The following BORA variants were observed in gnomAD, a reference collection of about 807,000 sequenced individuals.
BORA encodes protein aurora borealis.
BORA carries 26 observed loss-of-function variants against 55.8 expected under a neutral mutation model. That is an observed-to-expected ratio of 0.47 (90% CI 0.34 to 0.65). The LOEUF is 0.65. Ranked by LOEUF, BORA falls within the 30% of genes least tolerant of loss-of-function variation. The pLI is 0.01. For synonymous variants in BORA, 201 were observed against 216.9 expected, an observed-to-expected ratio of 0.93 and a Z score of 0.64; for missense variants, 568 against 671.5, an observed-to-expected ratio of 0.85 and a Z score of 1.70.
At chr13:72,743,737 T>G (rs924181178) in intron 6 of BORA, 135 bp downstream of exon 6, 18 of 687,374 alleles carry the variant, frequency 2.6e-5, no homozygotes, top group Admixed American at 3.7e-5. Flanking sequence ...TATTTTTGTT[T>G]TTTTGAGACA....
intron 4 of BORA, among the ~76,000 whole-genome samples, chr13:72,737,353 T>C (rs2032950507): frequency 1.3e-5 from 2 of 152,196 alleles, no homozygotes; most frequent in South Asian, 4.1e-4. Context: ...CACACCATTA[T>C]ATGTAGGAAT....
In BORA at chr13:72,755,513, A is replaced by G. The variant is rs1354893115; in HGVS notation, c.*297A>G. ...TGAGTGCTCCTATCTTACAGGGTCA[A>G]TGAACTACTTATTAAGCCTTACTGG... On this transcript the variant is annotated 3_prime_UTR_variant, in exon 12 of 12. Transcript: ENST00000390667. 2 of 395,560 alleles carry G rather than the reference A, an allele frequency of 5.1e-6. No homozygotes were observed. The allele number at this position is 395,560 out of a possible 1,614,324, so 24.5% of individuals were successfully genotyped here.
intron 4 of BORA, among the ~76,000 whole-genome samples, chr13:72,736,198 ACTTT>A (rs1450002566): frequency 2.0e-5 from 3 of 152,084 alleles, no homozygotes; most frequent in Admixed American, 6.6e-5. Flanking sequence ...TTGAAAAAAT[ACTTT>A]CTTTAAGAAT....
rs577816086 is a variant in BORA at position 72,729,908 on chromosome 13, A to T, written c.153+815A>T. Among the ~76,000 whole-genome samples the T allele has an allele frequency of 2.6e-5, 4 of 152,284 alleles. No homozygotes were observed. In the East Asian group the frequency reaches 7.7e-4, roughly 29 times the overall value. On this transcript the variant is annotated intron_variant, in intron 2 of 11. Transcript: ENST00000390667. Reference sequence around the variant, plus strand: ...ATGATTAGTACTTAGGACAATAGTAATATGAAGGAAAAGTGTTCTTCAGGA... The same window carrying T: ...ATGATTAGTACTTAGGACAATAGTATTATGAAGGAAAAGTGTTCTTCAGGA...
chr13:72,746,704 G>GA lies in BORA; in HGVS notation c.1075_1076insA (p.Gly359GlufsTer2). The stretch of plus-strand genomic sequence containing the variant: ...GATACCTTTTACTCTTGAGACTCAA[G>GA]GTGAAGATGAGGAAGATAAAGAGAA... On this transcript the variant is annotated frameshift_variant, in exon 10 of 12. Transcript: ENST00000390667. LOFTEE classifies it high-confidence loss of function. The GA allele has an allele frequency of 6.2e-7, 1 of 1,614,120 alleles. No individual in the cohort carries two copies. The highest frequency in any genetic ancestry group is 1.1e-5 in the South Asian group (1 of 91,084).
intron 2 of BORA, among the ~76,000 whole-genome samples, chr13:72,731,055 G>A (rs1307579040): frequency 6.6e-6 from 1 of 152,080 alleles, no homozygotes; most frequent in Non-Finnish European, 1.5e-5. Context: ...GTGACAGAAC[G>A]AGACTCTGTC....
intron 5 of BORA, among the ~76,000 whole-genome samples, chr13:72,740,090 G>A (rs1172348849): frequency 6.6e-6 from 1 of 152,092 alleles, no homozygotes; most frequent in Non-Finnish European, 1.5e-5. Flanking sequence ...TTTATATAAG[G>A]CAGATATCTG....
rs2033160322 is a variant in BORA at position 72,746,849 on chromosome 13, CACAAA to C, written c.1222_1226del (p.Gln408SerfsTer6). ...TTGGTTGTGACTGCCATGTCTGTTA[CACAAA>C]ATCAGTCCAGTGCTTCTGAGAAAGA... On this transcript the variant is annotated frameshift_variant, in exon 10 of 12. Coordinates refer to ENST00000390667, the MANE Select transcript of BORA (RefSeq NM_024808.5). LOFTEE classifies it high-confidence loss of function. 1.9e-6 allele frequency: 3 copies of C among 1,614,040 alleles called. No homozygotes were observed. In the South Asian group the frequency reaches 3.3e-5, roughly 18 times the overall value.
At position 72,730,035 on chromosome 13, in the gene BORA, T is replaced by C. The variant is rs1278292574; in HGVS notation, c.153+942T>C. ...ATCTCGAACTCCTGACCTCATGTGA[T>C]GCACCCACTTCAGCCTCCCAAAGTG... is the stretch of plus-strand genomic sequence containing the variant. On this transcript the variant is annotated intron_variant, in intron 2 of 11. Coordinates refer to ENST00000390667, the MANE Select transcript of BORA (RefSeq NM_024808.5). Among the ~76,000 whole-genome samples the C allele has an allele frequency of 5.3e-5, 8 of 152,192 alleles. No individual in the cohort carries two copies. The South Asian group carries it at 1.7e-3, about 32-fold the overall frequency.
rs139199739 is a variant in BORA at position 72,742,520 on chromosome 13, C to A, written c.389-1017C>A. On this transcript the variant is annotated intron_variant, in intron 5 of 11. Transcript: ENST00000390667. Reference sequence around the variant, plus strand: ...GACATTGAGGGTAGCTAAAAGGTATCCCTAACCTTTTAAGGTTGACGTCAT... The same window carrying A: ...GACATTGAGGGTAGCTAAAAGGTATACCTAACCTTTTAAGGTTGACGTCAT... 7.7e-3 allele frequency among the ~76,000 whole-genome samples: 1,169 copies of A among 151,832 alleles called. 14 individuals are homozygous for A. Among genetic ancestry groups the A allele is most frequent in the Middle Eastern group, 0.014 (4 of 294 alleles).
chr13:72,755,005 T>C (rs2033409753), intron 11 of BORA, 146 bp from the exon 12 acceptor site: 4 of 616,944 alleles, frequency 6.5e-6, no homozygotes, highest in Non-Finnish European at 1.1e-5. Flanking sequence ...ATGCAGAATA[T>C]TGATTTATAA....
At chr13:72,747,753 G>A (rs1418340237) in intron 10 of BORA, among the ~76,000 whole-genome samples, 1 of 152,004 alleles carries the variant, frequency 6.6e-6, no homozygotes, top group Non-Finnish European at 1.5e-5. Context: ...GGCTGGTCTC[G>A]AACTCATGAC....
In BORA at chr13:72,728,105, A is replaced by G. The variant is rs1332178606; in HGVS notation, c.-16+98A>G. On this transcript the variant is annotated intron_variant, in intron 1 of 11. Coordinates refer to ENST00000390667, the MANE Select transcript of BORA (RefSeq NM_024808.5). ...CTTGCCTGCCCGCTCGCCCCTGGTG[A>G]ATGGGAGCAGTCAGGGAGTAGGTGT... The G allele has an allele frequency of 8.1e-6, 12 of 1,489,684 alleles. No homozygotes were observed. In the East Asian group the frequency reaches 2.5e-4, roughly 31 times the overall value. 92.3% of individuals were successfully genotyped at this position (1,489,684 alleles called of 1,614,324 possible). A position where few individuals can be genotyped will look rare whatever the true frequency, so the allele number is the denominator to read the frequency against.
At position 72,755,507 on chromosome 13, in the gene BORA, G is replaced by T; in HGVS notation, c.*291G>T. ...CAGAGCTGAGTGCTCCTATCTTACAGGGTCAATGAACTACTTATTAAGCCT... is the reference window on the plus strand; with the variant it reads ...CAGAGCTGAGTGCTCCTATCTTACATGGTCAATGAACTACTTATTAAGCCT... On this transcript the variant is annotated 3_prime_UTR_variant, in exon 12 of 12. Coordinates refer to ENST00000390667, the MANE Select transcript of BORA (RefSeq NM_024808.5). 2.4e-6 allele frequency: 1 copy of T among 409,902 alleles called. No individual in the cohort carries two copies. The highest frequency in any genetic ancestry group is 4.2e-5 in the East Asian group (1 of 23,804). 25.4% of individuals were successfully genotyped at this position (409,902 alleles called of 1,614,324 possible).
In BORA at chr13:72,743,526, A is replaced by G; in HGVS notation, c.389-11A>G. Reference sequence around the variant, plus strand: ...TAAAACATAGGATTTTTCACTTAAAATGTCTTACAGGCACTAACATAAATA... The same window carrying G: ...TAAAACATAGGATTTTTCACTTAAAGTGTCTTACAGGCACTAACATAAATA... On this transcript the variant is annotated splice_polypyrimidine_tract_variant and intron_variant, in intron 5 of 11. Transcript: ENST00000390667. 6.3e-7 allele frequency: 1 copy of G among 1,591,684 alleles called. No individual in the cohort carries two copies. The highest frequency in any genetic ancestry group is 1.1e-5 in the South Asian group (1 of 87,774).
In BORA at chr13:72,746,987, A is replaced by ACAAC. The variant is rs778467601; in HGVS notation, c.1358_1359insCAAC (p.Gly455Ter). ...ACCACTTGGATTAAGGAGCCGGTTG[A>ACAAC]TAATGGCAGTTTACCCATGACTGAT... is the stretch of plus-strand genomic sequence containing the variant. On this transcript the variant is annotated frameshift_variant, in exon 10 of 12. Coordinates refer to ENST00000390667, the MANE Select transcript of BORA (RefSeq NM_024808.5). LOFTEE classifies it high-confidence loss of function. The ACAAC allele has an allele frequency of 1.2e-5, 19 of 1,614,044 alleles. No individual in the cohort carries two copies. The highest frequency in any genetic ancestry group is 1.6e-5 in the Non-Finnish European group (19 of 1,180,010).
chr13:72,728,036 T>C (rs1325518993), intron 1 of BORA, 29 bp downstream of exon 1: 2 of 1,550,520 alleles, frequency 1.3e-6, no homozygotes, highest in South Asian at 1.2e-5. Flanking sequence ...GTCCCTGGCC[T>C]TTCCTCCTGT....
At chr13:72,754,935 A>G (rs2033406598) in intron 11 of BORA, 3 of 462,478 alleles carry the variant, frequency 6.5e-6, no homozygotes, top group Non-Finnish European at 1.2e-5. Flanking sequence ...GCTAGTCCCA[A>G]ACTCCTGGGC....
At chr13:72,733,808 T>G (rs1258810596) in intron 3 of BORA, among the ~76,000 whole-genome samples, 2 of 152,226 alleles carry the variant, frequency 1.3e-5, no homozygotes, top group African/African-American at 4.8e-5. Flanking sequence ...CATTCTCATA[T>G]AAGCTTTATT....
Sources: allele counts gnomAD v4.1 joint callset (sites outside exome capture counted in the v4.1 genomes callset), GRCh38; gene constraint gnomAD v4.1.1; transcripts MANE v1.5; gene names NCBI Gene and HGNC (gene_info 2026-07-23, HGNC 2026-07-21).